LRRC4C: variants seen among roughly 807,000 people sequenced by gnomAD.
LRRC4C encodes leucine-rich repeat-containing protein 4C.
Under a neutral mutation model 33.6 loss-of-function variants are expected in LRRC4C, and 5 were observed. The ratio of observed to expected loss-of-function variants is 0.15; its 90% confidence interval spans 0.08 to 0.31. The LOEUF is 0.31. Among genes scored for constraint, LRRC4C ranks in the 10% least tolerant of loss-of-function variants. LRRC4C has a pLI of 1.00. For synonymous variants in LRRC4C, 329 were observed against 302.0 expected, an observed-to-expected ratio of 1.09 and a Z score of -0.93; for missense variants, 560 against 796.7, an observed-to-expected ratio of 0.70 and a Z score of 3.58.
At chr11:40,558,786 C>A (rs145983206) in intron 3 of LRRC4C, among the ~76,000 whole-genome samples, 154 of 152,128 alleles carry the variant, frequency 1.0e-3, no homozygotes, top group African/African-American at 3.4e-3. Context: ...GTTTGTTATA[C>A]AGATTATTTT....
At chr11:40,492,828 C>A (rs1447144162) in intron 3 of LRRC4C, among the ~76,000 whole-genome samples, 1 of 152,014 alleles carries the variant, frequency 6.6e-6, no homozygotes, top group Non-Finnish European at 1.5e-5. Flanking sequence ...GTTATTTTTT[C>A]ACTGATGGTG....
chr11:41,010,615 C>T (rs1343867123), intron 1 of LRRC4C, among the ~76,000 whole-genome samples: 1 of 152,156 alleles, frequency 6.6e-6, no homozygotes, highest in Admixed American at 6.5e-5. Context: ...GGCTTAACTA[C>T]TGCTTTATAA....
At chr11:40,860,091 A>AAAAAAAAT (rs1554979022) in intron 2 of LRRC4C, among the ~76,000 whole-genome samples, 7 of 144,232 alleles carry the variant, frequency 4.9e-5, no homozygotes, top group East Asian at 2.1e-4. Flanking sequence ...GTCCCCCCAA[A>AAAAAAAAT]AAATAAATAA....
At chr11:40,349,347 A>C (rs1947280089) in intron 3 of LRRC4C, among the ~76,000 whole-genome samples, 1 of 152,078 alleles carries the variant, frequency 6.6e-6, no homozygotes, top group East Asian at 1.9e-4. Context: ...GGCTTACTTC[A>C]CATTAACATA....
intron 2 of LRRC4C, among the ~76,000 whole-genome samples, chr11:40,835,341 G>A (rs1952622441): frequency 6.6e-6 from 1 of 152,110 alleles, no homozygotes; most frequent in African/African-American, 2.4e-5. Context: ...AAATTACTCT[G>A]TCAAATTGCT....
intron 5 of LRRC4C, among the ~76,000 whole-genome samples, chr11:40,193,856 C>G (rs560499184): frequency 6.6e-6 from 1 of 151,676 alleles, no homozygotes; most frequent in Non-Finnish European, 1.5e-5. Flanking sequence ...AAAGGATATC[C>G]GAGATTGAAG....
chr11:40,860,290 C>A lies in LRRC4C; in HGVS notation c.-407+73345G>T, dbSNP rs140546542. Among the ~76,000 whole-genome samples, 1,153 of 152,030 alleles carry A rather than the reference C, an allele frequency of 7.6e-3. 8 individuals are homozygous for A. The highest frequency in any genetic ancestry group is 0.025 in the South Asian group (118 of 4,806). ...AGGGGTAGAGGGAATATAAGTGTAT[C>A]ATTTCCTAGGGCTGCCATCATAAAT... On this transcript the variant is annotated intron_variant, in intron 2 of 6. Coordinates refer to ENST00000528697, the MANE Select transcript of LRRC4C (RefSeq NM_001258419.2).
At chr11:40,307,784 T>A (rs182146526) in intron 4 of LRRC4C, among the ~76,000 whole-genome samples, 1 of 152,262 alleles carries the variant, frequency 6.6e-6, no homozygotes, top group African/African-American at 2.4e-5. Context: ...TATAAAGAAA[T>A]GACTAAAAAT....
At chr11:40,774,900 A>G (rs929028959) in intron 2 of LRRC4C, among the ~76,000 whole-genome samples, 2 of 152,104 alleles carry the variant, frequency 1.3e-5, no homozygotes, top group Non-Finnish European at 2.9e-5. Flanking sequence ...CAAAGCATCA[A>G]TCTTGCAAGT....
At chr11:40,991,204 T>TAAAAAAAA (rs1186155913) in intron 1 of LRRC4C, among the ~76,000 whole-genome samples, 1 of 103,340 alleles carries the variant, frequency 9.7e-6, no homozygotes, top group Non-Finnish European at 1.9e-5. Context: ...TCCCAATATG[T>TAAAAAAAA]AAAAAAAAAA....
intron 3 of LRRC4C, among the ~76,000 whole-genome samples, chr11:40,585,616 TC>T (rs1393030359): frequency 3.6e-5 from 3 of 83,434 alleles, no homozygotes; most frequent in African/African-American, 1.4e-4. Flanking sequence ...ATGGTATCCC[TC>T]CCCCCTCCCC....
chr11:41,127,356 T>A (rs1942794122), intron 1 of LRRC4C, among the ~76,000 whole-genome samples: 7 of 152,068 alleles, frequency 4.6e-5, no homozygotes, highest in Admixed American at 4.6e-4. Context: ...CCTCTTCTTC[T>A]TTTAAATGCC....
intron 6 of LRRC4C, among the ~76,000 whole-genome samples, chr11:40,120,286 C>T (rs958492063): frequency 7.9e-5 from 12 of 152,268 alleles, no homozygotes; most frequent in African/African-American, 2.9e-4. Context: ...ACACCCCTGC[C>T]CCATTTATAT....
chr11:41,203,438 G>A (rs959799386), intron 1 of LRRC4C, among the ~76,000 whole-genome samples: 9 of 152,172 alleles, frequency 5.9e-5, no homozygotes, highest in African/African-American at 1.7e-4. Context: ...TGGAAGTTAA[G>A]AGGAAGCAAT....
intron 3 of LRRC4C, among the ~76,000 whole-genome samples, chr11:40,395,012 A>G (rs1174032522): frequency 2.0e-5 from 3 of 152,120 alleles, no homozygotes; most frequent in African/African-American, 7.2e-5. Context: ...TGAAAGTCTA[A>G]TGATAGAGAC....
At chr11:41,085,835 T>C (rs920771224) in intron 1 of LRRC4C, among the ~76,000 whole-genome samples, 5 of 144,950 alleles carry the variant, frequency 3.4e-5, no homozygotes, top group Non-Finnish European at 7.4e-5. Flanking sequence ...ATTTTTTCGA[T>C]AACTGGCAAT....
At chr11:40,759,276 A>G (rs531945369) in intron 2 of LRRC4C, among the ~76,000 whole-genome samples, 12 of 148,044 alleles carry the variant, frequency 8.1e-5, no homozygotes, top group Non-Finnish European at 1.6e-4. Context: ...TATTATATAT[A>G]TACATCTTCC....
chr11:40,595,759 G>A (rs989017836), intron 3 of LRRC4C, among the ~76,000 whole-genome samples: 3 of 151,976 alleles, frequency 2.0e-5, no homozygotes, highest in Admixed American at 6.6e-5. Context: ...GGCAGAAATA[G>A]CCTGTGTATA....
intron 1 of LRRC4C, among the ~76,000 whole-genome samples, chr11:40,951,474 C>G (rs1186863227): frequency 6.6e-6 from 1 of 151,826 alleles, no homozygotes; most frequent in Non-Finnish European, 1.5e-5. Context: ...AACATCAAGG[C>G]AGGCTTGTGG....
Sources: allele counts gnomAD v4.1 joint callset (sites outside exome capture counted in the v4.1 genomes callset), GRCh38; gene constraint gnomAD v4.1.1; transcripts MANE v1.5; gene names NCBI Gene and HGNC (gene_info 2026-07-23, HGNC 2026-07-21).